Variants in FNDC1 observed in about 807,000 individuals in gnomAD.
FNDC1 encodes fibronectin type III domain containing 1.
A neutral mutation model predicts 168.0 loss-of-function variants in FNDC1; 96 were observed. The ratio of observed to expected loss-of-function variants is 0.57; its 90% confidence interval spans 0.48 to 0.68. The LOEUF is 0.68. FNDC1 is among the 30% of genes least tolerant of loss of function. The pLI is 0.00. For missense variants in FNDC1, 2,587 were observed against 2,482.1 expected (o/e 1.04, Z -0.90); for synonymous variants, 1,099 against 1,025.9 (o/e 1.07, Z -1.36).
chr6:159,233,275 G>C lies in FNDC1; in HGVS notation c.2763G>C (p.Arg921=), dbSNP rs776074375. Residue 921 remains arginine, a synonymous_variant, in exon 11 of 23, where the codon CGG becomes CGC. Coordinates refer to ENST00000297267, the MANE Select transcript of FNDC1 (RefSeq NM_032532.3). The surrounding 1 kb of genome is among the most constrained non-coding windows in gnomAD (Gnocchi z 4.6). ...RSPQRGASLH[R]KEPIPENPKS... ...CGCAGAGAGGGGCCAGCCTGCATCGGAAGGAACCCATCCCAGAGAACCCCA... is the reference window on the plus strand; with the variant it reads ...CGCAGAGAGGGGCCAGCCTGCATCGCAAGGAACCCATCCCAGAGAACCCCA... 7 of 1,613,834 alleles carry C rather than the reference G, an allele frequency of 4.3e-6. No individual in the cohort carries two copies. The highest frequency in any genetic ancestry group is 5.9e-6 in the Non-Finnish European group (7 of 1,179,884).
chr6:159,221,757 C>A, intron 6 of FNDC1, 61 bp downstream of exon 6: 2 of 1,231,906 alleles, frequency 1.6e-6, no homozygotes, highest in Non-Finnish European at 2.4e-6. Context: ...ATGTTGTTTC[C>A]AAATGATGCT....
intron 1 of FNDC1, among the ~76,000 whole-genome samples, chr6:159,174,965 A>G (rs1417787359): frequency 6.6e-6 from 1 of 152,218 alleles, no homozygotes; most frequent in African/African-American, 2.4e-5. Context: ...ATAATGTCAA[A>G]TTATTATAAT....
chr6:159,215,140 T>A lies in FNDC1; in HGVS notation c.656T>A (p.Ile219Asn), dbSNP rs1782684935. ...ACAAGAGATGAACGGACACACGAAA[T>A]TAAAAAGCTAGGTGAGTTTCATATT... ...PLTRDERTHE[I>N]KKLASESVYV... The change falls in exon 5 of 23, where the codon ATT becomes AAT. Residue 219 changes from isoleucine to asparagine, a missense_variant. Physicochemically the swap from Ile to Asn is moderately radical, Grantham distance 149. Coordinates refer to ENST00000297267, the MANE Select transcript of FNDC1 (RefSeq NM_032532.3). 6.2e-7 allele frequency: 1 copy of A among 1,613,638 alleles called. No individual in the cohort carries two copies. Among genetic ancestry groups the A allele is most frequent in the Non-Finnish European group, 8.5e-7 (1 of 1,179,528 alleles).
In FNDC1 at chr6:159,269,283, T is replaced by TC. The variant is rs1562315801; in HGVS notation, c.5569+1358dup. 1.2e-3 allele frequency among the ~76,000 whole-genome samples: 52 copies of TC among 42,734 alleles called. 2 individuals carry two copies. Among genetic ancestry groups the TC allele is most frequent in the Non-Finnish European group, 4.6e-3 (45 of 9,760 alleles). 28.0% of individuals were successfully genotyped at this position (42,734 alleles called of 152,430 possible). On this transcript the variant is annotated intron_variant, in intron 22 of 22. Coordinates refer to ENST00000297267, the MANE Select transcript of FNDC1 (RefSeq NM_032532.3). Reference sequence around the variant, plus strand: ...ATCTATCTATCTATCTATCTATCTATCTATCTATCCATCCATCCATCTATC... The same window carrying TC: ...ATCTATCTATCTATCTATCTATCTATCCTATCTATCCATCCATCCATCTATC...
chr6:159,177,237 C>A (rs1781779644), intron 1 of FNDC1, among the ~76,000 whole-genome samples: 1 of 152,174 alleles, frequency 6.6e-6, no homozygotes, highest in Non-Finnish European at 1.5e-5. Context: ...CTGAGACTTT[C>A]ACTAAGTCTG....
At chr6:159,200,896 T>C (rs566467864) in intron 4 of FNDC1, among the ~76,000 whole-genome samples, 92 of 152,364 alleles carry the variant, frequency 6.0e-4, no homozygotes, top group African/African-American at 2.1e-3. Context: ...GATTAGGATA[T>C]TTATAGCTCT....
At chr6:159,186,096 G>C (rs1781992901) in intron 1 of FNDC1, among the ~76,000 whole-genome samples, 1 of 152,196 alleles carries the variant, frequency 6.6e-6, no homozygotes, top group Admixed American at 6.5e-5. Flanking sequence ...TGGCTTGAGA[G>C]TTTGATTTTA....
intron 4 of FNDC1, among the ~76,000 whole-genome samples, chr6:159,201,962 C>T (rs762741535): frequency 6.6e-6 from 1 of 152,196 alleles, no homozygotes; most frequent in Admixed American, 6.5e-5. Context: ...TGTGTGCACA[C>T]ATGTGTATGA....
intron 7 of FNDC1, among the ~76,000 whole-genome samples, chr6:159,224,893 A>C (rs1782919574): frequency 6.6e-6 from 1 of 152,168 alleles, no homozygotes; most frequent in South Asian, 2.1e-4. Flanking sequence ...GTCCACTGTC[A>C]GGGGTTGCTG....
intron 13 of FNDC1, 57 bp from the exon 14 acceptor site, chr6:159,239,460 T>C: frequency 1.4e-6 from 2 of 1,447,726 alleles, no homozygotes; most frequent in East Asian, 4.7e-5. Context: ...TGCTTGCTTT[T>C]TATTTTCTCT....
rs1359811926 is a variant in FNDC1, at chr6:159,233,919, C to T, written c.3407C>T (p.Ala1136Val). ...RSQRGHAASPARPSRPGGPQS... is the reference protein window; with the variant it reads ...RSQRGHAASPVRPSRPGGPQS... ...CAGCGCGGACATGCGGCCTCCCCCG[C>T]CAGGCCCAGCCGACCCGGCGGCCCC... The change falls in exon 11 of 23, where the codon GCC (alanine) becomes GTC (valine). Residue 1136 changes from alanine to valine, a missense_variant. By Grantham distance (64) the Ala-to-Val change is moderately conservative. Transcript: ENST00000297267. The surrounding 1 kb of genome is among the most constrained non-coding windows in gnomAD (Gnocchi z 4.6). The T allele has an allele frequency of 6.5e-7, 1 of 1,549,464 alleles. No homozygotes were observed. Among genetic ancestry groups the T allele is most frequent in the African/African-American group, 1.4e-5 (1 of 73,186 alleles).
intron 4 of FNDC1, among the ~76,000 whole-genome samples, chr6:159,205,327 G>T (rs559529283): frequency 6.6e-6 from 1 of 152,286 alleles, no homozygotes; most frequent in East Asian, 1.9e-4. Flanking sequence ...GGCCTTTTCT[G>T]TCAGTATTTC....
intron 11 of FNDC1, among the ~76,000 whole-genome samples, chr6:159,235,645 A>G (rs1406539907): frequency 6.6e-6 from 1 of 152,208 alleles, no homozygotes; most frequent in African/African-American, 2.4e-5. Context: ...GCAGAGACAG[A>G]CAGAAACAAC....
rs531544658 is a variant in FNDC1, at chr6:159,245,742, ATTTTTTT to A, written c.4622-1141_4622-1135del. ...TAATATCAGTTTAGTCATTATGGTA[ATTTTTTT>A]TTTTTTTTTTTTTTTTTGAGACGGA... On this transcript the variant is annotated intron_variant, in intron 14 of 22. Transcript: ENST00000297267. 1.3e-3 allele frequency among the ~76,000 whole-genome samples: 26 copies of A among 19,772 alleles called. 12 individuals carry two copies. Among genetic ancestry groups the A allele is most frequent in the Non-Finnish European group, 2.2e-3 (22 of 9,936 alleles). 13.0% of individuals were successfully genotyped at this position (19,772 alleles called of 152,430 possible).
intron 1 of FNDC1, among the ~76,000 whole-genome samples, chr6:159,188,436 G>A (rs1403754095): frequency 8.0e-5 from 12 of 149,104 alleles, no homozygotes; most frequent in Admixed American, 2.0e-4. Flanking sequence ...GTCCAGTGGC[G>A]CAATCTTGGC....
Position 159,169,882 on chromosome 6 carries a change from C to A in FNDC1, c.109+177C>A. On this transcript the variant is annotated intron_variant, in intron 1 of 22. Transcript: ENST00000297267. The surrounding 1 kb of genome is among the most constrained non-coding windows in gnomAD (Gnocchi z 6.8). ...GTGGGTGGCGGGAGCGGGGACGCCT[C>A]GGTGCCCGGGGACCGCAGCGCGCTG... is the stretch of plus-strand genomic sequence containing the variant. 4.2e-6 allele frequency: 1 copy of A among 240,276 alleles called. No homozygotes were observed. Among genetic ancestry groups the A allele is most frequent in the Non-Finnish European group, 7.9e-6 (1 of 127,180 alleles). The allele number at this position is 240,276 out of a possible 1,614,324, so 14.9% of individuals were successfully genotyped here.
chr6:159,201,455 G>A (rs1426732304), intron 4 of FNDC1, among the ~76,000 whole-genome samples: 1 of 152,208 alleles, frequency 6.6e-6, no homozygotes, highest in Non-Finnish European at 1.5e-5. Context: ...GAGACTAAGT[G>A]TTCTTGTTTG....
intron 1 of FNDC1, among the ~76,000 whole-genome samples, chr6:159,174,009 C>G (rs1380513266): frequency 1.3e-5 from 2 of 152,210 alleles, no homozygotes; most frequent in Non-Finnish European, 2.9e-5. Flanking sequence ...GACCTCTTTT[C>G]ATTGGCCCCC....
At chr6:159,264,939 T>C (rs937684102) in intron 19 of FNDC1, 36 bp from the exon 20 acceptor site, 9 of 1,562,260 alleles carry the variant, frequency 5.8e-6, no homozygotes, top group Admixed American at 3.7e-5. Flanking sequence ...TTGTGAAATA[T>C]GGCACAGAGT....
Sources: allele counts gnomAD v4.1 joint callset (sites outside exome capture counted in the v4.1 genomes callset), GRCh38; gene constraint gnomAD v4.1.1; non-coding constraint Gnocchi (gnomAD v3.1); transcripts MANE v1.5; gene names NCBI Gene and HGNC (gene_info 2026-07-23, HGNC 2026-07-21).